PPIL1: variants seen among roughly 807,000 people sequenced by gnomAD.
The protein encoded by PPIL1 is peptidylprolyl isomerase like 1, also known as peptidyl-prolyl cis-trans isomerase-like 1.
PPIL1 carries 14 observed loss-of-function variants against 19.4 expected under a neutral mutation model. The observed-to-expected ratio is 0.72, with a 90% CI of 0.48 to 1.13. PPIL1 has a LOEUF of 1.13. PPIL1 is among the 50% of genes most tolerant of loss of function. The pLI is 0.00. For synonymous variants in PPIL1, 72 were observed against 73.6 expected (o/e 0.98, Z 0.11); for missense variants, 192 against 218.0 (o/e 0.88, Z 0.75).
At chr6:36,856,067 A>C (rs776823713) in intron 3 of PPIL1, 34 bp from the exon 4 acceptor site, 72 of 1,593,786 alleles carry the variant, frequency 4.5e-5, no homozygotes, top group Middle Eastern at 3.3e-4. Flanking sequence ...AAAGAGTATA[A>C]ATAACCCCAC....
At chr6:36,862,327 C>T (rs1451870406) in intron 2 of PPIL1, among the ~76,000 whole-genome samples, 1 of 152,162 alleles carries the variant, frequency 6.6e-6, no homozygotes, top group Non-Finnish European at 1.5e-5. Flanking sequence ...AGACACTGTC[C>T]GTCAGTAGTC....
At chr6:36,856,798 A>C in intron 2 of PPIL1, 144 bp from the exon 3 acceptor site, 1 of 652,382 alleles carries the variant, frequency 1.5e-6, no homozygotes, top group Non-Finnish European at 2.7e-6. Context: ...GTATATTGCA[A>C]CTACAGAATC....
rs186337368 is a variant in PPIL1 at position 36,855,211 on chromosome 6, T to A, written c.*602A>T. 2 of 153,142 alleles carry A rather than the reference T, an allele frequency of 1.3e-5. No individual in the cohort carries two copies. The highest frequency in any genetic ancestry group is 1.3e-4 in the Admixed American group (2 of 15,380). The allele number at this position is 153,142 out of a possible 1,614,324, so 9.5% of individuals were successfully genotyped here. A position where few individuals can be genotyped will look rare whatever the true frequency, so the allele number is the denominator to read the frequency against. ...ACTTGATTGTTGGATGTGTTTTTCATTTGGCAAAAATTCAATGTGGCTTTG... is the reference window on the plus strand; with the variant it reads ...ACTTGATTGTTGGATGTGTTTTTCAATTGGCAAAAATTCAATGTGGCTTTG... On this transcript the variant is annotated 3_prime_UTR_variant, in exon 4 of 4. Transcript: ENST00000373699.
chr6:36,864,305 A>C (rs1774352203), intron 2 of PPIL1, among the ~76,000 whole-genome samples: 1 of 151,880 alleles, frequency 6.6e-6, no homozygotes, highest in African/African-American at 2.4e-5. Flanking sequence ...CACAGCTTAC[A>C]ACACCCCCCA....
At chr6:36,873,334 A>G (rs79809702) in intron 1 of PPIL1, among the ~76,000 whole-genome samples, 10,833 of 152,312 alleles carry the variant, frequency 0.071, 554 homozygotes, top group Admixed American at 0.11. Context: ...AATGTCCTTG[A>G]AATAGGAAAT....
At chr6:36,866,422 T>TA (rs1217324408) in intron 2 of PPIL1, among the ~76,000 whole-genome samples, 1 of 152,112 alleles carries the variant, frequency 6.6e-6, no homozygotes, top group African/African-American at 2.4e-5. Flanking sequence ...ACGTGTCACC[T>TA]AATCAGCTAG....
intron 2 of PPIL1, among the ~76,000 whole-genome samples, chr6:36,871,057 T>C (rs1390710393): frequency 6.6e-6 from 1 of 152,238 alleles, no homozygotes; most frequent in Non-Finnish European, 1.5e-5. Flanking sequence ...TATCTTATGA[T>C]TTCCAGCACA....
At chr6:36,874,472 G>GAATT (rs1774593098) in intron 1 of PPIL1, among the ~76,000 whole-genome samples, 1 of 152,244 alleles carries the variant, frequency 6.6e-6, no homozygotes, top group East Asian at 1.9e-4. Flanking sequence ...ATGAATGAAT[G>GAATT]AGCGGACTGG....
chr6:36,873,870 T>C (rs1307470602), intron 1 of PPIL1, among the ~76,000 whole-genome samples: 2 of 152,210 alleles, frequency 1.3e-5, no homozygotes, highest in Non-Finnish European at 2.9e-5. Context: ...TCACCTTGAA[T>C]GTCAGGATTA....
At chr6:36,857,220 T>A (rs751893015) in intron 2 of PPIL1, among the ~76,000 whole-genome samples, 14 of 152,212 alleles carry the variant, frequency 9.2e-5, no homozygotes, top group Admixed American at 3.9e-4. Context: ...TTTGCCACCC[T>A]TAACCTAGGT....
chr6:36,862,446 T>C (rs961244074), intron 2 of PPIL1, among the ~76,000 whole-genome samples: 2 of 152,220 alleles, frequency 1.3e-5, no homozygotes, highest in African/African-American at 4.8e-5. Context: ...GATGACCCAG[T>C]TGTGACTTAC....
intron 2 of PPIL1, among the ~76,000 whole-genome samples, chr6:36,864,355 A>C (rs1774353889): frequency 6.6e-6 from 1 of 151,658 alleles, no homozygotes; most frequent in African/African-American, 2.4e-5. Flanking sequence ...ATCTCCTGCC[A>C]CTCTCTCAGG....
Position 36,856,067 on chromosome 6 carries a change from A to G in PPIL1, c.281-34T>C, listed in dbSNP as rs776823713. The G allele has an allele frequency of 8.8e-6, 14 of 1,593,670 alleles. No homozygotes were observed. In the African/African-American group the frequency reaches 1.7e-4, roughly 20 times the overall value. On this transcript the variant is annotated intron_variant, in intron 3 of 3. Transcript: ENST00000373699. Reference sequence around the variant, plus strand: ...AAAAAGGAAGAAAGGAAAGAGTATAAATAACCCCACAGGTCCAGTGTAGAG... The same window carrying G: ...AAAAAGGAAGAAAGGAAAGAGTATAGATAACCCCACAGGTCCAGTGTAGAG...
intron 1 of PPIL1, chr6:36,872,082 G>C (rs945166933): frequency 4.8e-6 from 2 of 416,624 alleles, no homozygotes; most frequent in Non-Finnish European, 8.2e-6. Flanking sequence ...CAGGTGTTCT[G>C]GGTACTTCTT....
chr6:36,856,751 G>T, intron 2 of PPIL1, 97 bp from the exon 3 acceptor site: 1 of 1,203,450 alleles, frequency 8.3e-7, no homozygotes, highest in Non-Finnish European at 1.2e-6. Context: ...TCAGAGTAGA[G>T]GAAAGGAAAA....
intron 2 of PPIL1, among the ~76,000 whole-genome samples, chr6:36,870,860 ATGATCCAAC>A (rs961871523): frequency 6.6e-6 from 1 of 152,122 alleles, no homozygotes; most frequent in Admixed American, 6.6e-5. Context: ...CTGACCTCAA[ATGATCCAAC>A]TGCCTCGGGC....
At chr6:36,872,076 T>C (rs1309667645) in intron 1 of PPIL1, 1 of 438,424 alleles carries the variant, frequency 2.3e-6, no homozygotes, top group Non-Finnish European at 3.9e-6. Context: ...AACACGCAGG[T>C]GTTCTGGGTA....
At chr6:36,873,308 A>C (rs75878635) in intron 1 of PPIL1, among the ~76,000 whole-genome samples, 77 of 152,364 alleles carry the variant, frequency 5.1e-4, no homozygotes, top group African/African-American at 1.8e-3. Context: ...TAGCCAAAAA[A>C]AAAGGAAGCA....
At chr6:36,870,775 C>A (rs1489383577) in intron 2 of PPIL1, among the ~76,000 whole-genome samples, 1 of 152,142 alleles carries the variant, frequency 6.6e-6, no homozygotes, top group Non-Finnish European at 1.5e-5. Context: ...CAGGTGCCCA[C>A]CAACCCGCCC....
Sources: gnomAD v4.1 joint callset for allele counts (sites outside exome capture counted in the v4.1 genomes callset) on GRCh38, gnomAD v4.1.1 for gene constraint, MANE v1.5 for transcripts, NCBI Gene and HGNC (gene_info 2026-07-23, HGNC 2026-07-21) for gene names.